The following CLSTN3 variants were observed in gnomAD, a reference collection of about 807,000 sequenced individuals.
The protein encoded by CLSTN3 is calsyntenin-3.
In CLSTN3, 36 loss-of-function variants were observed where a neutral mutation model predicts 95.9. The observed-to-expected ratio is 0.38, with a 90% CI of 0.29 to 0.50. The LOEUF is 0.50. CLSTN3 is among the 20% of genes least tolerant of loss of function. The pLI is 0.95. For synonymous variants in CLSTN3, 481 were observed against 504.0 expected (o/e 0.95, Z 0.61); for missense variants, 1,084 against 1,268.8 (o/e 0.85, Z 2.21).
At chr12:7,129,499 T>G, upstream of CLSTN3, 2 of 503,788 alleles carry the variant, frequency 4.0e-6, no homozygotes, top group Non-Finnish European at 5.1e-6. The surrounding 1 kb of genome is among the most constrained non-coding windows in gnomAD (Gnocchi z 5.5). Context: ...ACAGACAGCC[T>G]GAGAGGAGTT....
chr12:7,137,887 C>T lies in CLSTN3; in HGVS notation c.1211-68C>T. 8.9e-7 allele frequency: 1 copy of T among 1,128,968 alleles called. No homozygotes were observed. Among genetic ancestry groups the T allele is most frequent in the South Asian group, 1.3e-5 (1 of 78,106 alleles). The allele number at this position is 1,128,968 out of a possible 1,614,324, so 69.9% of individuals were successfully genotyped here. A position where few individuals can be genotyped will look rare whatever the true frequency, so the allele number is the denominator to read the frequency against. Reference sequence around the variant, plus strand: ...TAAGAGAATCCAACATCCTCTCCTTCCTGCTGCTTTGAACTTGTTCTGGCC... The same window carrying T: ...TAAGAGAATCCAACATCCTCTCCTTTCTGCTGCTTTGAACTTGTTCTGGCC... On this transcript the variant is annotated intron_variant, in intron 7 of 17. Coordinates refer to ENST00000266546, the MANE Select transcript of CLSTN3 (RefSeq NM_014718.4). This position sits in a 1 kb window ranked among gnomAD's most constrained non-coding sequence, Gnocchi z 4.4.
rs376009242 is a variant in CLSTN3 at position 7,142,922 on chromosome 12, G to A, written c.1594G>A (p.Val532Met). ...CCATGGCTACCTGGCTGGTTTCAGC[G>A]TGCGCTCAGGTCGCCTGGAGAGCCG... ...YFHGYLAGFSVRSGRLESREV... is the reference protein window; with the variant it reads ...YFHGYLAGFSMRSGRLESREV... The change falls in exon 11 of 18, where the codon GTG becomes ATG. Residue 532 changes from valine (V) to methionine (M), a missense_variant. Val to Met is a conservative substitution (Grantham distance 21). Transcript: ENST00000266546. 3.5e-5 allele frequency: 57 copies of A among 1,614,036 alleles called. No homozygotes were observed. The highest frequency in any genetic ancestry group is 2.9e-4 in the East Asian group (13 of 44,878).
intron 16 of CLSTN3, among the ~76,000 whole-genome samples, chr12:7,154,948 G>A (rs1044541584): frequency 3.9e-5 from 6 of 152,182 alleles, no homozygotes; most frequent in Non-Finnish European, 2.9e-5. Context: ...CTTCTTCAAA[G>A]CTAAAGCAAA....
In CLSTN3 at chr12:7,150,160, G is replaced by A. The variant is rs1939698738; in HGVS notation, c.2246-384G>A. Among the ~76,000 whole-genome samples, 1 of 152,240 alleles carries A rather than the reference G, an allele frequency of 6.6e-6. No homozygotes were observed. Among genetic ancestry groups the A allele is most frequent in the African/African-American group, 2.4e-5 (1 of 41,462 alleles). ...AAAGGAAGCCAGGAGGGAGAATGGAGAAGATGGAGATAATCAGTTCCCTTC... is the reference window on the plus strand; with the variant it reads ...AAAGGAAGCCAGGAGGGAGAATGGAAAAGATGGAGATAATCAGTTCCCTTC... On this transcript the variant is annotated intron_variant, in intron 14 of 17. Coordinates refer to ENST00000266546, the MANE Select transcript of CLSTN3 (RefSeq NM_014718.4). This position sits in a 1 kb window ranked among gnomAD's most constrained non-coding sequence, Gnocchi z 4.0.
intron 4 of CLSTN3, 94 bp from the exon 5 acceptor site, chr12:7,135,710 C>G (rs1240365319): frequency 4.7e-6 from 7 of 1,475,592 alleles, no homozygotes; most frequent in Middle Eastern, 1.8e-4. Flanking sequence ...TGCTGCCTAA[C>G]CTGCCTGCTG....
chr12:7,132,253 G>T, intron 1 of CLSTN3: 1 of 255,248 alleles, frequency 3.9e-6, no homozygotes, highest in Non-Finnish European at 7.9e-6. Flanking sequence ...GTCTTGTGGA[G>T]GACATAGAAA....
chr12:7,151,594 C>T (rs1181459139), intron 16 of CLSTN3, among the ~76,000 whole-genome samples: 5 of 152,168 alleles, frequency 3.3e-5, no homozygotes, highest in Admixed American at 6.5e-5. Context: ...ATATGCAAAG[C>T]GTTACATTCA....
intron 1 of CLSTN3, 102 bp from the exon 2 acceptor site, chr12:7,132,922 T>C: frequency 6.6e-7 from 1 of 1,521,526 alleles, no homozygotes. Context: ...GTGGAAAAGG[T>C]GATGGTGCTG....
chr12:7,152,416 C>T (rs1939739700), intron 16 of CLSTN3, among the ~76,000 whole-genome samples: 2 of 152,070 alleles, frequency 1.3e-5, no homozygotes, highest in South Asian at 4.1e-4. Flanking sequence ...ACTTCATCAC[C>T]CAGTTTTGCC....
chr12:7,136,968 G>T lies in CLSTN3; in HGVS notation c.1068G>T (p.Leu356=). ...FNGTQAVQVP[L]GGPSGLGSGP... ...GCACCCAGGCTGTGCAGGTGCCCCT[G>T]GGTGGCCCCAGTGGGCTGGGCTCTG... The change falls in exon 7 of 18, where the codon CTG becomes CTT. Residue 356 remains leucine, a synonymous_variant. Coordinates refer to ENST00000266546, the MANE Select transcript of CLSTN3 (RefSeq NM_014718.4). 6.2e-7 allele frequency: 1 copy of T among 1,614,194 alleles called. No homozygotes were observed. The highest frequency in any genetic ancestry group is 8.5e-7 in the Non-Finnish European group (1 of 1,180,026).
At chr12:7,154,660 C>A (rs1179599062) in intron 16 of CLSTN3, among the ~76,000 whole-genome samples, 1 of 152,114 alleles carries the variant, frequency 6.6e-6, no homozygotes, top group African/African-American at 2.4e-5. Context: ...CCTAGAATGT[C>A]TAGGGGGTGG....
At position 7,157,300 on chromosome 12, in the gene CLSTN3, C is replaced by T. The variant is rs367549334; in HGVS notation, c.2528-189C>T. On this transcript the variant is annotated intron_variant, in intron 16 of 17. Transcript: ENST00000266546. This position sits in a 1 kb window ranked among gnomAD's most constrained non-coding sequence, Gnocchi z 5.9. ...TGCAGCAGCTCCCTTCCTCCCCTTT[C>T]GTCTCCTGCCCTTCCTGGTGGGCTG... 6.6e-6 allele frequency among the ~76,000 whole-genome samples: 1 copy of T among 152,164 alleles called. No homozygotes were observed. The highest frequency in any genetic ancestry group is 1.5e-5 in the Non-Finnish European group (1 of 68,016).
Position 7,141,538 on chromosome 12 carries a change from A to T in CLSTN3, c.1486+134A>T. On this transcript the variant is annotated intron_variant, in intron 9 of 17. Transcript: ENST00000266546. The surrounding 1 kb of genome is among the most constrained non-coding windows in gnomAD (Gnocchi z 4.1). ...TCTGCAGCTGTGCAGGGTGACTCTG[A>T]AGATCTCCATGGGAAGGGACCACAG... 1 of 930,180 alleles carries T rather than the reference A, an allele frequency of 1.1e-6. No homozygotes were observed. The highest frequency in any genetic ancestry group is 2.2e-5 in the Admixed American group (1 of 44,852). 57.6% of individuals were successfully genotyped at this position (930,180 alleles called of 1,614,324 possible). A position where few individuals can be genotyped will look rare whatever the true frequency, so the allele number is the denominator to read the frequency against.
At position 7,133,270 on chromosome 12, in the gene CLSTN3, C is replaced by G; in HGVS notation, c.187+124C>G. On this transcript the variant is annotated intron_variant, in intron 2 of 17. Transcript: ENST00000266546. The surrounding 1 kb of genome is among the most constrained non-coding windows in gnomAD (Gnocchi z 4.7). ...GAAAGTAAGGGAAGATAAAAGTGGG[C>G]TCAAGGAGGGGAATGGTCTCCACTG... 1 of 1,298,640 alleles carries G rather than the reference C, an allele frequency of 7.7e-7. No individual in the cohort carries two copies. The highest frequency in any genetic ancestry group is 1.1e-6 in the Non-Finnish European group (1 of 939,510). The allele number at this position is 1,298,640 out of a possible 1,614,324, so 80.4% of individuals were successfully genotyped here.
At chr12:7,151,218 C>A in intron 16 of CLSTN3, 155 bp downstream of exon 16, 2 of 742,636 alleles carry the variant, frequency 2.7e-6, no homozygotes, top group Non-Finnish European at 4.1e-6. Flanking sequence ...CAGCTATGGA[C>A]CAATCCCTCT....
intron 16 of CLSTN3, among the ~76,000 whole-genome samples, chr12:7,155,330 G>T (rs1032848290): frequency 2.6e-5 from 4 of 152,238 alleles, no homozygotes; most frequent in Non-Finnish European, 5.9e-5. Context: ...TGTAGATAGA[G>T]TGTCTGCATT....
In CLSTN3 at chr12:7,152,517, G is replaced by T. The variant is rs957220863; in HGVS notation, c.2527+1454G>T. Reference sequence around the variant, plus strand: ...GGTCACCTTTGAAAAGAGTCAAAAGGTTGTGTCACAGGCTTTTGAGAATTG... The same window carrying T: ...GGTCACCTTTGAAAAGAGTCAAAAGTTTGTGTCACAGGCTTTTGAGAATTG... On this transcript the variant is annotated intron_variant, in intron 16 of 17. Transcript: ENST00000266546. 2.6e-5 allele frequency among the ~76,000 whole-genome samples: 4 copies of T among 152,242 alleles called. No individual in the cohort carries two copies. In the East Asian group the frequency reaches 7.7e-4, roughly 29 times the overall value.
intron 6 of CLSTN3, 110 bp from the exon 7 acceptor site, chr12:7,136,719 A>C: frequency 8.0e-7 from 1 of 1,248,036 alleles, no homozygotes; most frequent in Non-Finnish European, 1.1e-6. Flanking sequence ...AGGTGGCAAG[A>C]CGTGCTGTAG....
rs201397184 is a variant in CLSTN3, at chr12:7,137,162, C to T, written c.1210+52C>T. The T allele has an allele frequency of 5.7e-5, 88 of 1,541,522 alleles. No homozygotes were observed. The East Asian group carries it at 1.5e-3, about 26-fold the overall frequency. ...AGAGGGGGAAACTGGCTTCTTGTCC[C>T]GCCTCTGTCACTGCCCAGTGTGTGA... On this transcript the variant is annotated intron_variant, in intron 7 of 17. Transcript: ENST00000266546. The surrounding 1 kb of genome is among the most constrained non-coding windows in gnomAD (Gnocchi z 4.4).
Sources: allele counts gnomAD v4.1 joint callset (sites outside exome capture counted in the v4.1 genomes callset), GRCh38; gene constraint gnomAD v4.1.1; non-coding constraint Gnocchi (gnomAD v3.1); transcripts MANE v1.5; gene names NCBI Gene and HGNC (gene_info 2026-07-23, HGNC 2026-07-21).